The following KNTC1 variants were observed in gnomAD, a reference collection of about 807,000 sequenced individuals.
The protein encoded by KNTC1 is kinetochore associated 1.
A neutral mutation model predicts 314.4 loss-of-function variants in KNTC1; 253 were observed. That is an observed-to-expected ratio of 0.80 (90% CI 0.73 to 0.89). KNTC1 has a LOEUF of 0.89. Among genes scored for constraint, KNTC1 ranks in the 40% least tolerant of loss-of-function variants. The pLI is 0.00. For synonymous variants in KNTC1, 901 were observed against 901.4 expected (o/e 1.00, Z 0.01); for missense variants, 2,475 against 2,572.9 (o/e 0.96, Z 0.82).
chr12:122,611,274 GC>G (rs1243982489), intron 53 of KNTC1: 1 of 176,756 alleles, frequency 5.7e-6, no homozygotes, highest in African/African-American at 2.4e-5. Context: ...CACCCCTTCT[GC>G]CCACTAAATT....
At chr12:122,580,369 C>T (rs1247084629) in intron 32 of KNTC1, among the ~76,000 whole-genome samples, 3 of 152,144 alleles carry the variant, frequency 2.0e-5, no homozygotes, top group Non-Finnish European at 4.4e-5. Flanking sequence ...CAATTTACTT[C>T]AGAAAAATAA....
chr12:122,559,333 C>T (rs1186129872), intron 18 of KNTC1, among the ~76,000 whole-genome samples: 1 of 151,904 alleles, frequency 6.6e-6, no homozygotes, highest in Non-Finnish European at 1.5e-5. Context: ...GAGCAAGACT[C>T]TGTCCCAAAA....
intron 43 of KNTC1, among the ~76,000 whole-genome samples, chr12:122,596,581 C>G (rs1285049413): frequency 6.6e-6 from 1 of 151,574 alleles, no homozygotes; most frequent in African/African-American, 2.4e-5. Context: ...TGGCTAACGC[C>G]TATAATCCCA....
intron 20 of KNTC1, among the ~76,000 whole-genome samples, chr12:122,568,006 G>C (rs967785883): frequency 6.6e-6 from 1 of 152,122 alleles, no homozygotes; most frequent in Non-Finnish European, 1.5e-5. Context: ...TTATTTCTAC[G>C]TGTAGTGATT....
intron 42 of KNTC1, chr12:122,592,691 T>C (rs1870436715): frequency 6.6e-6 from 1 of 152,144 alleles, no homozygotes; most frequent in Non-Finnish European, 1.5e-5. Context: ...CCTTTGTATC[T>C]AGCTCAGGGA....
chr12:122,625,687 A>G (rs941051784), intron 63 of KNTC1, among the ~76,000 whole-genome samples: 1 of 152,158 alleles, frequency 6.6e-6, no homozygotes, highest in Non-Finnish European at 1.5e-5. Context: ...CAGACATAGG[A>G]TCACTGTTAA....
At chr12:122,540,171 TTC>T (rs1232626113) in intron 5 of KNTC1, among the ~76,000 whole-genome samples, 7 of 147,382 alleles carry the variant, frequency 4.7e-5, no homozygotes, top group Admixed American at 4.0e-4. Context: ...CCTACATTTT[TTC>T]TGTTTTTTTT....
Position 122,580,623 on chromosome 12 carries a change from G to T in KNTC1, c.2935G>T (p.Glu979Ter), listed in dbSNP as rs201575472. Residue 979 changes from glutamate to a stop codon, truncating the protein, a stop_gained, in exon 33 of 64, where the codon GAA becomes TAA. Coordinates refer to ENST00000333479, the MANE Select transcript of KNTC1 (RefSeq NM_014708.6). LOFTEE classifies it high-confidence loss of function. ...IQKDNLQKKD[E>*]CEEMLKLFKE... ...TACAGACAATCTGCAGAAGAAGGAC[G>T]AATGTGAAGAAATGTTGAAACTATT... is the stretch of plus-strand genomic sequence containing the variant. The T allele has an allele frequency of 6.4e-7, 1 of 1,569,458 alleles. No individual in the cohort carries two copies. Among genetic ancestry groups the T allele is most frequent in the Non-Finnish European group, 8.7e-7 (1 of 1,155,166 alleles).
chr12:122,562,439 T>TTG (rs4039211), intron 19 of KNTC1, among the ~76,000 whole-genome samples, 199 bp from the exon 20 acceptor site: 2,670 of 145,020 alleles, frequency 0.018, 31 homozygotes, highest in Middle Eastern at 0.045. Flanking sequence ...ATCCCATGTT[T>TTG]TGTGTGTGTG....
intron 33 of KNTC1, among the ~76,000 whole-genome samples, chr12:122,581,096 C>A (rs901655478): frequency 4.6e-5 from 7 of 151,146 alleles, no homozygotes; most frequent in African/African-American, 1.5e-4. Flanking sequence ...CCTTCTCTCT[C>A]TCTCTCTCTC....
chr12:122,562,950 AGTGAGCCGAGATC>A (rs1964076647), intron 20 of KNTC1, among the ~76,000 whole-genome samples: 1 of 151,990 alleles, frequency 6.6e-6, no homozygotes, highest in Non-Finnish European at 1.5e-5. Flanking sequence ...CAGAGGTTGC[AGTGAGCCGAGATC>A]GTGCCACTGC....
At chr12:122,615,673 A>C in intron 57 of KNTC1, 147 bp downstream of exon 57, 14 of 704,222 alleles carry the variant, frequency 2.0e-5, no homozygotes, top group East Asian at 3.3e-5. Flanking sequence ...TGTAACCCCA[A>C]CGCTTTGGGA....
At chr12:122,560,625 G>C (rs528437223) in intron 18 of KNTC1, among the ~76,000 whole-genome samples, 15 of 152,244 alleles carry the variant, frequency 9.9e-5, no homozygotes, top group African/African-American at 3.6e-4. Flanking sequence ...GCCTGCCTTG[G>C]CCTCCCAAAA....
chr12:122,614,712 C>G (rs1355821810), intron 55 of KNTC1, among the ~76,000 whole-genome samples: 1 of 151,928 alleles, frequency 6.6e-6, no homozygotes. Flanking sequence ...GAAACCCCGT[C>G]TCTACTAAAA....
chr12:122,533,515 T>TGAA (rs1244103137), intron 2 of KNTC1, among the ~76,000 whole-genome samples: 1 of 151,992 alleles, frequency 6.6e-6, no homozygotes, highest in Non-Finnish European at 1.5e-5. Context: ...GCCAACACAG[T>TGAA]GAAAACCCCG....
At chr12:122,554,076 A>AAATATAT (rs370146333) in intron 16 of KNTC1, among the ~76,000 whole-genome samples, 43 of 109,050 alleles carry the variant, frequency 3.9e-4, no homozygotes, top group South Asian at 1.6e-3. Context: ...AAAAAAAAAA[A>AAATATAT]ATATATATAT....
intron 20 of KNTC1, among the ~76,000 whole-genome samples, chr12:122,566,162 C>T (rs7294689): frequency 0.011 from 1,605 of 151,592 alleles, 29 homozygotes; most frequent in African/African-American, 0.037. Context: ...AGGCTGGCCT[C>T]GAACTCCTGA....
At chr12:122,562,169 A>G (rs1299403193) in intron 19 of KNTC1, among the ~76,000 whole-genome samples, 195 bp downstream of exon 19, 1 of 152,220 alleles carries the variant, frequency 6.6e-6, no homozygotes, top group African/African-American at 2.4e-5. Flanking sequence ...ATTCATATAA[A>G]CTGTTGTACA....
chr12:122,547,504 A>C lies in KNTC1; in HGVS notation c.906A>C (p.Glu302Asp). ...LHVEEFLLTT[E>D]ADSPSSVTWQ... Reference sequence around the variant, plus strand: ...TAGAAGAGTTTCTTCTTACTACAGAAGCAGACTCTCCTTCATCAGTCACGT... The same window carrying C: ...TAGAAGAGTTTCTTCTTACTACAGACGCAGACTCTCCTTCATCAGTCACGT... Residue 302 changes from glutamate to aspartate, a missense_variant, in exon 11 of 64, where the codon GAA becomes GAC. Physicochemically the swap from Glu to Asp is conservative, Grantham distance 45. Transcript: ENST00000333479. 6.2e-7 allele frequency: 1 copy of C among 1,609,974 alleles called. No individual in the cohort carries two copies. Among genetic ancestry groups the C allele is most frequent in the South Asian group, 1.1e-5 (1 of 90,780 alleles).
Sources: allele counts gnomAD v4.1 joint callset (sites outside exome capture counted in the v4.1 genomes callset), GRCh38; gene constraint gnomAD v4.1.1; transcripts MANE v1.5; gene names NCBI Gene and HGNC (gene_info 2026-07-23, HGNC 2026-07-21).